Variants in LRP1B observed in about 807,000 individuals in gnomAD.
LRP1B encodes low-density lipoprotein receptor-related protein 1B.
In LRP1B, 217 loss-of-function variants were observed where a neutral mutation model predicts 556.6. The ratio of observed to expected loss-of-function variants is 0.39; its 90% CI spans 0.35 to 0.44. LRP1B has a LOEUF of 0.44. Among genes scored for constraint, LRP1B ranks in the 20% least tolerant of loss-of-function variants. The pLI, the probability that LRP1B is intolerant of heterozygous loss-of-function variation, is 1.00. For missense variants in LRP1B, 5,053 were observed against 5,620.8 expected (o/e 0.90, Z 3.23); for synonymous variants, 2,047 against 1,865.8 (o/e 1.10, Z -2.50).
chr2:141,665,946 C>A (rs1267286593), intron 2 of LRP1B, among the ~76,000 whole-genome samples: 1 of 151,928 alleles, frequency 6.6e-6, no homozygotes, highest in Non-Finnish European at 1.5e-5. Context: ...GAACAACACA[C>A]ATGGGGGCCT....
At chr2:140,256,069 A>G (rs1420502235) in intron 86 of LRP1B, among the ~76,000 whole-genome samples, 1 of 152,206 alleles carries the variant, frequency 6.6e-6, no homozygotes, top group Non-Finnish European at 1.5e-5. Flanking sequence ...TTTAATGTGA[A>G]AAACAATTTT....
chr2:141,982,433 A>G (rs1429127265), intron 1 of LRP1B, among the ~76,000 whole-genome samples: 1 of 152,192 alleles, frequency 6.6e-6, no homozygotes, highest in Non-Finnish European at 1.5e-5. Context: ...CTGGAGGAGG[A>G]AGTCTTTAGG....
chr2:140,883,981 A>G lies in LRP1B; in HGVS notation c.4005T>C (p.Ala1335=). The change falls in exon 25 of 91, where the codon GCT becomes GCC. Residue 1335 remains alanine, a synonymous_variant. Coordinates refer to ENST00000389484, the MANE Select transcript of LRP1B (RefSeq NM_018557.3). ...AIEVVVEHGL[A]TPEGLTVDWI... ...AGTCGACTGTCAGGCCTTCTGGAGTAGCCAGGCCATGCTCCACAACCACTT... is the reference window on the plus strand; with the variant it reads ...AGTCGACTGTCAGGCCTTCTGGAGTGGCCAGGCCATGCTCCACAACCACTT... The G allele has an allele frequency of 6.2e-7, 1 of 1,613,082 alleles. No individual in the cohort carries two copies. The highest frequency in any genetic ancestry group is 8.5e-7 in the Non-Finnish European group (1 of 1,179,874).
chr2:140,618,836 G>A (rs1683347616), intron 41 of LRP1B, among the ~76,000 whole-genome samples: 1 of 152,008 alleles, frequency 6.6e-6, no homozygotes, highest in Non-Finnish European at 1.5e-5. Flanking sequence ...TTGGGGGCAA[G>A]ACGGAGCTGG....
chr2:141,540,997 AC>A lies in LRP1B; in HGVS notation c.206-60465del, dbSNP rs576356727. ...TGCTAAAAAATATAACATCAAAAAA[AC>A]AACAACAACATCCAAAATAGCACTT... On this transcript the variant is annotated intron_variant, in intron 2 of 90. Coordinates refer to ENST00000389484, the MANE Select transcript of LRP1B (RefSeq NM_018557.3). Among the ~76,000 whole-genome samples the A allele has an allele frequency of 1.3e-4, 19 of 151,246 alleles. 1 individual carries two copies. The South Asian group carries it at 3.4e-3, about 27-fold the overall frequency.
intron 37 of LRP1B, among the ~76,000 whole-genome samples, chr2:140,713,740 C>T (rs749746060): frequency 6.6e-6 from 1 of 152,092 alleles, no homozygotes; most frequent in Non-Finnish European, 1.5e-5. Flanking sequence ...TACCTACACT[C>T]TTGCTGATGG....
At chr2:141,923,233 G>A (rs901253099) in intron 1 of LRP1B, among the ~76,000 whole-genome samples, 5 of 151,446 alleles carry the variant, frequency 3.3e-5, no homozygotes, top group South Asian at 2.1e-4. Flanking sequence ...TAACAGTTAC[G>A]GAAAAATTTA....
intron 66 of LRP1B, among the ~76,000 whole-genome samples, chr2:140,439,419 A>C (rs2105296423): frequency 6.6e-6 from 1 of 152,276 alleles, no homozygotes; most frequent in East Asian, 1.9e-4. Context: ...AATAGAAGTG[A>C]TTTTATATGA....
chr2:140,697,946 G>C (rs1409285632), intron 41 of LRP1B, among the ~76,000 whole-genome samples: 1 of 151,914 alleles, frequency 6.6e-6, no homozygotes, highest in Non-Finnish European at 1.5e-5. Flanking sequence ...TATATATGTG[G>C]ATATACATGT....
chr2:140,584,797 C>T (rs946322795), intron 43 of LRP1B, among the ~76,000 whole-genome samples: 12 of 152,116 alleles, frequency 7.9e-5, no homozygotes, highest in African/African-American at 2.9e-4. Context: ...ACTGCAATAT[C>T]ATTCCTATCT....
intron 3 of LRP1B, among the ~76,000 whole-genome samples, chr2:141,389,316 A>G (rs958985740): frequency 6.6e-6 from 1 of 152,198 alleles, no homozygotes; most frequent in African/African-American, 2.4e-5. Context: ...TAAAATATAT[A>G]TATCTAGGGG....
intron 2 of LRP1B, among the ~76,000 whole-genome samples, chr2:141,562,323 ATG>A (rs1686184459): frequency 6.6e-6 from 1 of 151,864 alleles, no homozygotes; most frequent in Non-Finnish European, 1.5e-5. Context: ...GCTTTTTGGA[ATG>A]GACCCAGAGA....
At chr2:141,893,380 T>TAGTAGAGC (rs1699348265) in intron 1 of LRP1B, among the ~76,000 whole-genome samples, 2 of 152,176 alleles carry the variant, frequency 1.3e-5, no homozygotes, top group Non-Finnish European at 2.9e-5. Context: ...TTTGTATTTT[T>TAGTAGAGC]AGTAGAGCCG....
intron 7 of LRP1B, among the ~76,000 whole-genome samples, chr2:141,120,245 A>G (rs952809803): frequency 6.6e-6 from 1 of 151,962 alleles, no homozygotes; most frequent in Non-Finnish European, 1.5e-5. Context: ...CAAACCCTCA[A>G]TGAAGGATAT....
chr2:140,282,508 C>T (rs1451359190), intron 84 of LRP1B, among the ~76,000 whole-genome samples: 3 of 151,748 alleles, frequency 2.0e-5, no homozygotes, highest in African/African-American at 7.3e-5. Context: ...GAAAACAAAT[C>T]TACAAAGTGA....
chr2:141,993,656 C>T (rs1045790307), intron 1 of LRP1B, among the ~76,000 whole-genome samples: 3 of 152,102 alleles, frequency 2.0e-5, no homozygotes, highest in African/African-American at 7.2e-5. Flanking sequence ...ATAAAGTCTA[C>T]AAAGTGTCTT....
intron 24 of LRP1B, among the ~76,000 whole-genome samples, chr2:140,884,918 T>A (rs1693589328): frequency 6.6e-6 from 1 of 152,144 alleles, no homozygotes; most frequent in African/African-American, 2.4e-5. Flanking sequence ...TTTGCCATGT[T>A]GTCCAGGCTG....
chr2:141,560,271 C>T (rs528506889), intron 2 of LRP1B, among the ~76,000 whole-genome samples: 2 of 151,736 alleles, frequency 1.3e-5, no homozygotes, highest in East Asian at 3.9e-4. Flanking sequence ...TTCTCCTTTC[C>T]CCAAGGCAAC....
intron 1 of LRP1B, among the ~76,000 whole-genome samples, chr2:141,830,263 GCTAT>G (rs1214045290): frequency 1.3e-5 from 2 of 151,756 alleles, no homozygotes; most frequent in Non-Finnish European, 3.0e-5. Context: ...ACTCCCAGTG[GCTAT>G]CTAACATTTC....
Sources: allele counts gnomAD v4.1 joint callset (sites outside exome capture counted in the v4.1 genomes callset), GRCh38; gene constraint gnomAD v4.1.1; transcripts MANE v1.5; gene names NCBI Gene and HGNC (gene_info 2026-07-23, HGNC 2026-07-21).